Variants in RGS3 observed in about 807,000 individuals in gnomAD.
RGS3 encodes regulator of G protein signaling 3.
Under a neutral mutation model 132.6 loss-of-function variants are expected in RGS3, and 80 were observed. The ratio of observed to expected loss-of-function variants is 0.60; its 90% confidence interval spans 0.50 to 0.73. The LOEUF (loss-of-function observed/expected upper bound fraction) is 0.73, where lower values mean the gene tolerates loss of function less well. Ranked by LOEUF, RGS3 falls within the 30% of genes least tolerant of loss-of-function variation. RGS3 has a pLI of 0.00. For synonymous variants in RGS3, 598 were observed against 620.6 expected, an observed-to-expected ratio of 0.96 and a Z score of 0.54; for missense variants, 1,382 against 1,530.8, an observed-to-expected ratio of 0.90 and a Z score of 1.62.
At chr9:113,590,891 C>T (rs1002122987) in intron 20 of RGS3, among the ~76,000 whole-genome samples, 1 of 152,214 alleles carries the variant, frequency 6.6e-6, no homozygotes, top group Non-Finnish European at 1.5e-5. Flanking sequence ...TTATACACTG[C>T]TGACCATCTC....
chr9:113,461,397 C>G (rs1829467367), intron 1 of RGS3, among the ~76,000 whole-genome samples: 1 of 152,124 alleles, frequency 6.6e-6, no homozygotes, highest in Non-Finnish European at 1.5e-5. Flanking sequence ...GCCAGTCTCT[C>G]CTGAAGTGCC....
chr9:113,496,987 A>G (rs1266459544), intron 8 of RGS3, among the ~76,000 whole-genome samples: 1 of 152,176 alleles, frequency 6.6e-6, no homozygotes, highest in East Asian at 1.9e-4. Context: ...CTGTCAACAA[A>G]TATGGCTCCT....
At chr9:113,513,086 C>T (rs913049950) in intron 14 of RGS3, among the ~76,000 whole-genome samples, 9 of 152,144 alleles carry the variant, frequency 5.9e-5, no homozygotes, top group African/African-American at 2.2e-4. Context: ...ATCCCAGCTA[C>T]TTGGGGGACT....
intron 3 of RGS3, chr9:113,479,238 G>A (rs1588145077): frequency 1.8e-6 from 1 of 542,332 alleles, no homozygotes; most frequent in East Asian, 3.2e-5. Flanking sequence ...CTGTACAGTA[G>A]TGAGCTCCCC....
intron 19 of RGS3, among the ~76,000 whole-genome samples, chr9:113,575,517 C>T (rs1221664291): frequency 6.6e-6 from 1 of 152,166 alleles, no homozygotes; most frequent in African/African-American, 2.4e-5. Flanking sequence ...TGCCACCTCC[C>T]CCGTCCTGCT....
chr9:113,544,500 TTC>T (rs1833029371), intron 19 of RGS3, among the ~76,000 whole-genome samples: 1 of 152,220 alleles, frequency 6.6e-6, no homozygotes, highest in South Asian at 2.1e-4. Context: ...TCCCCATAAA[TTC>T]TATTACCAAA....
intron 19 of RGS3, 191 bp from the exon 18 acceptor site, chr9:113,583,259 C>A: frequency 9.7e-7 from 1 of 1,026,468 alleles, no homozygotes. Flanking sequence ...AAAGTTCAAG[C>A]AAGAAGACAG....
At chr9:113,453,205 TC>T (rs1829296636) in intron 1 of RGS3, among the ~76,000 whole-genome samples, 2 of 117,890 alleles carry the variant, frequency 1.7e-5, no homozygotes, top group African/African-American at 6.5e-5. Flanking sequence ...CATAATATAC[TC>T]ATTATATGAT....
intron 19 of RGS3, among the ~76,000 whole-genome samples, chr9:113,559,269 C>T (rs954125089): frequency 6.6e-6 from 1 of 152,204 alleles, no homozygotes; most frequent in Admixed American, 6.5e-5. Context: ...CACAGTGGGT[C>T]GAGGATTGCT....
In RGS3 at chr9:113,579,731, C is replaced by T. The variant is rs1382441985; in HGVS notation, c.2038-3719C>T. ...TCTAACCTCTGTTTTTTCTACTTAA[C>T]TGAGGGCAGAGATTGTGTCTGACTT... is the stretch of plus-strand genomic sequence containing the variant. On this transcript the variant is annotated intron_variant, in intron 19 of 24. Transcript: ENST00000350696. This position sits in a 1 kb window ranked among gnomAD's most constrained non-coding sequence, Gnocchi z 4.3. 6.6e-6 allele frequency among the ~76,000 whole-genome samples: 1 copy of T among 152,222 alleles called. No homozygotes were observed. The highest frequency in any genetic ancestry group is 2.4e-5 in the African/African-American group (1 of 41,454).
chr9:113,504,379 AT>A (rs1248687463), intron 10 of RGS3, among the ~76,000 whole-genome samples: 1 of 151,932 alleles, frequency 6.6e-6, no homozygotes, highest in Non-Finnish European at 1.5e-5. Context: ...CCCTTTTCTG[AT>A]TTGTGCTGCC....
intron 3 of RGS3, among the ~76,000 whole-genome samples, chr9:113,478,431 T>C (rs1830061572): frequency 6.6e-6 from 1 of 152,142 alleles, no homozygotes; most frequent in Non-Finnish European, 1.5e-5. Flanking sequence ...GATCACTGTT[T>C]TTAATTTGGC....
In RGS3 at chr9:113,596,750, C is replaced by T. The variant is rs762521706; in HGVS notation, c.3412-18C>T. On this transcript the variant is annotated intron_variant, in intron 24 of 24. Transcript: ENST00000350696. ...CCCCAGCAGGCAGCCCTGACCATGTCCCCCTCTGCCTCCCCAGGTCAACCT... is the reference window on the plus strand; with the variant it reads ...CCCCAGCAGGCAGCCCTGACCATGTTCCCCTCTGCCTCCCCAGGTCAACCT... 1.3e-6 allele frequency: 2 copies of T among 1,597,252 alleles called. No individual in the cohort carries two copies. The highest frequency in any genetic ancestry group is 1.7e-6 in the Non-Finnish European group (2 of 1,171,956).
At chr9:113,484,329 A>AC (rs1564471296) in intron 6 of RGS3, 97 bp downstream of exon 4, 1 of 373,070 alleles carries the variant, frequency 2.7e-6, no homozygotes, top group African/African-American at 2.3e-5. Flanking sequence ...GATCTATGCA[A>AC]AAAAAAAAAA....
Position 113,565,368 on chromosome 9 carries a change from T to A in RGS3, c.2038-18082T>A. ...GGTGGCCGGCTAGACAGGGTGTGTG[T>A]TTGGGAAAGGCGCTGGAGGAGGAGG... On this transcript the variant is annotated intron_variant, in intron 19 of 24. Coordinates refer to ENST00000350696, the Ensembl canonical transcript of RGS3. This position sits in a 1 kb window ranked among gnomAD's most constrained non-coding sequence, Gnocchi z 5.7. 1 of 1,288,506 alleles carries A rather than the reference T, an allele frequency of 7.8e-7. No individual in the cohort carries two copies. The highest frequency in any genetic ancestry group is 1.0e-6 in the Non-Finnish European group (1 of 988,312). 79.8% of individuals were successfully genotyped at this position (1,288,506 alleles called of 1,614,324 possible). A position where few individuals can be genotyped will look rare whatever the true frequency, so the allele number is the denominator to read the frequency against.
At chr9:113,483,655 G>A (rs1305599818) in intron 5 of RGS3, among the ~76,000 whole-genome samples, 2 of 152,212 alleles carry the variant, frequency 1.3e-5, no homozygotes, top group Admixed American at 6.5e-5. Context: ...CATTCTTCCT[G>A]AAGCCTTCAG....
At chr9:113,564,876 A>G in intron 19 of RGS3, 1 of 972,066 alleles carries the variant, frequency 1.0e-6, no homozygotes, top group Non-Finnish European at 1.2e-6. Flanking sequence ...GTTCAGTTGC[A>G]GCCTCCCACT....
intron 6 of RGS3, 79 bp from the exon 5 acceptor site, chr9:113,485,546 T>C: frequency 8.9e-7 from 1 of 1,120,320 alleles, no homozygotes; most frequent in South Asian, 1.4e-5. Context: ...ATTTTTGGAA[T>C]TATGACTGAC....
intron 7 of RGS3, among the ~76,000 whole-genome samples, chr9:113,492,338 T>G (rs573475799): frequency 1.3e-5 from 2 of 152,198 alleles, no homozygotes; most frequent in African/African-American, 2.4e-5. Context: ...ATAGGTCTTC[T>G]TCCAGCCTGT....
Sources: gnomAD v4.1 joint callset for allele counts (sites outside exome capture counted in the v4.1 genomes callset) on GRCh38, gnomAD v4.1.1 for gene constraint, Gnocchi (gnomAD v3.1) non-coding constraint, MANE v1.5 for transcripts, NCBI Gene and HGNC (gene_info 2026-07-23, HGNC 2026-07-21) for gene names.